The following VIT variants were observed in gnomAD, a reference collection of about 807,000 sequenced individuals.
VIT encodes the protein vitrin.
VIT carries 99 observed loss-of-function variants against 78.0 expected under a neutral mutation model. That is an observed-to-expected ratio of 1.27 (90% CI 1.08 to 1.50). VIT has a LOEUF of 1.50. Among genes scored for constraint, VIT ranks in the 40% most tolerant of loss-of-function variants. VIT has a pLI of 0.00. For missense variants in VIT, 1,126 were observed against 875.3 expected (o/e 1.29, Z -3.61); for synonymous variants, 374 against 334.3 (o/e 1.12, Z -1.29).
At chr2:36,702,898 C>T (rs1222382147) in intron 1 of VIT, among the ~76,000 whole-genome samples, 3 of 152,212 alleles carry the variant, frequency 2.0e-5, no homozygotes, top group African/African-American at 7.2e-5. Context: ...GTTCCTCCCT[C>T]AGCCCTTGGG....
At position 36,814,586 on chromosome 2, in the gene VIT, G is replaced by A. The variant is rs544753859; in HGVS notation, c.*225G>A. On this transcript the variant is annotated 3_prime_UTR_variant, in exon 16 of 16. Transcript: ENST00000379242. ...ATGAGCCAAAAGGCTACATCATGTT[G>A]AGGGTGCTGGAGATTTTACATTTTG... is the stretch of plus-strand genomic sequence containing the variant. The A allele has an allele frequency of 1.3e-4, 70 of 522,260 alleles. No individual in the cohort carries two copies. The highest frequency in any genetic ancestry group is 1.2e-3 in the African/African-American group (63 of 52,844). The allele number at this position is 522,260 out of a possible 1,614,324, so 32.4% of individuals were successfully genotyped here. A position where few individuals can be genotyped will look rare whatever the true frequency, so the allele number is the denominator to read the frequency against.
chr2:36,749,768 A>G (rs1427855861), intron 4 of VIT, among the ~76,000 whole-genome samples: 4 of 152,180 alleles, frequency 2.6e-5, no homozygotes, highest in Admixed American at 6.5e-5. Flanking sequence ...AAATTTCTGA[A>G]TTATTCAGAT....
chr2:36,709,911 A>G (rs1300881184), intron 1 of VIT, among the ~76,000 whole-genome samples: 1 of 152,198 alleles, frequency 6.6e-6, no homozygotes, highest in Non-Finnish European at 1.5e-5. Context: ...GACTATGAAG[A>G]AGAATTCTGA....
intron 7 of VIT, among the ~76,000 whole-genome samples, chr2:36,768,940 C>G (rs1001215761): frequency 1.1e-4 from 16 of 152,116 alleles, no homozygotes; most frequent in African/African-American, 3.9e-4. Flanking sequence ...TTTGAAGAAG[C>G]TATGATATAA....
intron 12 of VIT, among the ~76,000 whole-genome samples, chr2:36,794,443 T>C (rs2148651123): frequency 6.6e-6 from 1 of 152,338 alleles, no homozygotes; most frequent in East Asian, 1.9e-4. Flanking sequence ...AGTCTCCAAG[T>C]CTGAAGAGTA....
intron 12 of VIT, among the ~76,000 whole-genome samples, chr2:36,797,913 G>C (rs1337864531): frequency 6.6e-6 from 1 of 152,198 alleles, no homozygotes; most frequent in East Asian, 1.9e-4. Context: ...CAGGCAGAGA[G>C]ATTGTCAGCT....
At chr2:36,722,893 A>G (rs1451382009) in intron 2 of VIT, among the ~76,000 whole-genome samples, 1 of 152,030 alleles carries the variant, frequency 6.6e-6, no homozygotes, top group African/African-American at 2.4e-5. Flanking sequence ...AATCTATATG[A>G]TTTCAGTATG....
At chr2:36,720,974 C>T (rs1181931116) in intron 2 of VIT, among the ~76,000 whole-genome samples, 1 of 151,472 alleles carries the variant, frequency 6.6e-6, no homozygotes, top group African/African-American at 2.4e-5. Flanking sequence ...TGCGCCTTTA[C>T]ACTCCAGCCC....
Position 36,728,812 on chromosome 2 carries a change from C to CAAAAAAAAAAAA in VIT, c.53-608_53-597dup, listed in dbSNP as rs768222712. 8.7e-4 allele frequency among the ~76,000 whole-genome samples: 3 copies of CAAAAAAAAAAAA among 3,434 alleles called. 1 individual carries two copies. Among genetic ancestry groups the CAAAAAAAAAAAA allele is most frequent in the Non-Finnish European group, 2.7e-3 (2 of 750 alleles). The allele number at this position is 3,434 out of a possible 152,430, so 2.3% of individuals were successfully genotyped here. A position where few individuals can be genotyped will look rare whatever the true frequency, so the allele number is the denominator to read the frequency against. ...TGGGCGACAGAGCAAGACTCCGTCT[C>CAAAAAAAAAAAA]AAAAAAAAAAAAAAAAAGAAAAAAG... On this transcript the variant is annotated intron_variant, in intron 2 of 15. Transcript: ENST00000379242.
chr2:36,803,894 G>A (rs1666513793), intron 13 of VIT, among the ~76,000 whole-genome samples: 1 of 152,136 alleles, frequency 6.6e-6, no homozygotes, highest in African/African-American at 2.4e-5. Flanking sequence ...ACAAAATACT[G>A]TGTATAATTT....
intron 9 of VIT, among the ~76,000 whole-genome samples, chr2:36,777,998 C>A (rs1313444545): frequency 6.6e-6 from 1 of 152,118 alleles, no homozygotes; most frequent in Non-Finnish European, 1.5e-5. Flanking sequence ...TACAGGACAC[C>A]AGGTGTCACC....
At chr2:36,748,618 A>T (rs375796638) in intron 4 of VIT, among the ~76,000 whole-genome samples, 4 of 152,290 alleles carry the variant, frequency 2.6e-5, no homozygotes, top group Admixed American at 1.3e-4. Flanking sequence ...ATGGCTATGT[A>T]GTCTTTCAAG....
intron 6 of VIT, chr2:36,759,621 G>T (rs146002497): frequency 3.0e-6 from 3 of 1,001,300 alleles, no homozygotes; most frequent in African/African-American, 1.7e-5. Context: ...ATGCATTATT[G>T]TATCTCCAGA....
chr2:36,706,800 C>G (rs1427512242), intron 1 of VIT, among the ~76,000 whole-genome samples: 1 of 152,212 alleles, frequency 6.6e-6, no homozygotes. Flanking sequence ...GTGAAAAGTA[C>G]TATGCAAATG....
intron 12 of VIT, among the ~76,000 whole-genome samples, chr2:36,793,453 C>T (rs1198254762): frequency 1.3e-5 from 2 of 152,160 alleles, no homozygotes; most frequent in African/African-American, 4.8e-5. Context: ...ACGCTGCACC[C>T]TGGGCTGGTC....
chr2:36,782,543 TC>T (rs2148622878), intron 10 of VIT, among the ~76,000 whole-genome samples: 1 of 152,326 alleles, frequency 6.6e-6, no homozygotes, highest in Admixed American at 6.5e-5. Context: ...CTTCCGGGCC[TC>T]CTGAAAACGG....
At chr2:36,759,489 TA>T (rs1250489460) in intron 6 of VIT, 46 of 1,181,172 alleles carry the variant, frequency 3.9e-5, no homozygotes, top group Non-Finnish European at 4.8e-5. Context: ...AGGCCAAAAA[TA>T]CACTGTCTAC....
Position 36,785,461 on chromosome 2 carries a change from G to T in VIT, c.911-1668G>T, listed in dbSNP as rs191572065. On this transcript the variant is annotated intron_variant, in intron 11 of 15. Coordinates refer to ENST00000379242, the MANE Select transcript of VIT (RefSeq NM_053276.4). ...CCACAACATGATAAGCTGCATATGA[G>T]AATCACATGCTGCTTCTCCTTTCCT... Among the ~76,000 whole-genome samples, 36 of 152,296 alleles carry T rather than the reference G, an allele frequency of 2.4e-4. 1 individual carries two copies. The East Asian group carries it at 6.7e-3, about 29-fold the overall frequency.
intron 8 of VIT, chr2:36,774,515 A>G: frequency 1.0e-6 from 1 of 985,422 alleles, no homozygotes; most frequent in Non-Finnish European, 1.2e-6. Context: ...ACAGGACACT[A>G]GGATCAGAAG....
Sources: allele counts gnomAD v4.1 joint callset (sites outside exome capture counted in the v4.1 genomes callset), GRCh38; gene constraint gnomAD v4.1.1; transcripts MANE v1.5; gene names NCBI Gene and HGNC (gene_info 2026-07-23, HGNC 2026-07-21).